NIPSNAP3B: variants seen among roughly 807,000 people sequenced by gnomAD.
NIPSNAP3B encodes protein NipSnap homolog 3B.
NIPSNAP3B carries 30 observed loss-of-function variants against 31.5 expected under a neutral mutation model. The observed-to-expected ratio is 0.95, with a 90% CI of 0.71 to 1.29. The LOEUF is 1.29. Among genes scored for constraint, NIPSNAP3B ranks in the 50% most tolerant of loss-of-function variants. The pLI, the probability that NIPSNAP3B is intolerant of heterozygous loss-of-function variation, is 0.00. For synonymous variants in NIPSNAP3B, 106 were observed against 107.9 expected (o/e 0.98, Z 0.11); for missense variants, 269 against 300.7 (o/e 0.89, Z 0.78).
At chr9:104,785,732 A>C in the NIPSNAP3B span, 4 of 1,524,118 alleles carry the variant, frequency 2.6e-6, no homozygotes, top group Admixed American at 5.1e-5. Context: ...GCCATGAAAA[A>C]GGGCGGCCCC....
chr9:104,786,212 G>T, the NIPSNAP3B span: 1,036,319 of 1,153,774 alleles, frequency 0.9, 466,246 homozygotes, highest in East Asian at 1. Context: ...TTCCCTTTAT[G>T]TTAGAGGCAC....
intron 2 of NIPSNAP3B, 92 bp downstream of exon 2, chr9:104,766,627 A>T (rs1588166303): frequency 8.0e-7 from 1 of 1,242,746 alleles, no homozygotes; most frequent in East Asian, 2.3e-5. Flanking sequence ...ATTACCATAG[A>T]TACATACAGG....
the NIPSNAP3B span, among the ~76,000 whole-genome samples, chr9:104,790,369 T>C: frequency 6.6e-6 from 1 of 152,176 alleles, no homozygotes; most frequent in Non-Finnish European, 1.5e-5. Flanking sequence ...GTCCAACATT[T>C]ATAAGGAATT....
At chr9:104,789,222 G>A in the NIPSNAP3B span, among the ~76,000 whole-genome samples, 1 of 152,198 alleles carries the variant, frequency 6.6e-6, no homozygotes, top group Non-Finnish European at 1.5e-5. Flanking sequence ...TGAGGCACAC[G>A]TGGACACCGT....
the NIPSNAP3B span, among the ~76,000 whole-genome samples, chr9:104,784,886 C>T: frequency 1.3e-5 from 2 of 152,206 alleles, no homozygotes; most frequent in Non-Finnish European, 2.9e-5. Context: ...TCATGATCTG[C>T]CTGCTCCTCA....
chr9:104,778,140 T>C (rs771190978), downstream of NIPSNAP3B, among the ~76,000 whole-genome samples: 2 of 152,226 alleles, frequency 1.3e-5, no homozygotes, highest in African/African-American at 4.8e-5. Flanking sequence ...CTAAATGTTA[T>C]AGGATCTCAG....
At position 104,772,289 on chromosome 9, in the gene NIPSNAP3B, G is replaced by GATTT. The variant is rs1564059040; in HGVS notation, c.581-533_581-532insATTT. Among the ~76,000 whole-genome samples the GATTT allele has an allele frequency of 2.2e-4, 26 of 119,016 alleles. 1 individual carries two copies. Among genetic ancestry groups the GATTT allele is most frequent in the South Asian group, 2.1e-3 (8 of 3,736 alleles). 78.1% of individuals were successfully genotyped at this position (119,016 alleles called of 152,430 possible). ...TTTTGTTTTTATCATGATTGTTTTT[G>GATTT]GTGTCTTTGTCATTCAAAATTAATA... On this transcript the variant is annotated intron_variant, in intron 4 of 5. Coordinates refer to ENST00000374762, the MANE Select transcript of NIPSNAP3B (RefSeq NM_018376.4).
In NIPSNAP3B at chr9:104,775,741, C is replaced by A. The variant is rs1376615386; in HGVS notation, c.*2668C>A. 6.6e-6 allele frequency among the ~76,000 whole-genome samples: 1 copy of A among 152,214 alleles called. No individual in the cohort carries two copies. The highest frequency in any genetic ancestry group is 1.5e-5 in the Non-Finnish European group (1 of 68,032). On this transcript the variant is annotated 3_prime_UTR_variant, in exon 6 of 6. Transcript: ENST00000374762. ...TCTTGTCCAAAACTGAGCTCTTGAT[C>A]TTTAACCAGAAACTTTATCTCAGCT... is the stretch of plus-strand genomic sequence containing the variant.
intron 3 of NIPSNAP3B, 138 bp from the exon 4 acceptor site, chr9:104,770,711 A>G: frequency 1.6e-6 from 1 of 621,992 alleles, no homozygotes. Context: ...CAGAGAATCA[A>G]TAAATGTGAC....
At chr9:104,786,165 C>T in the NIPSNAP3B span, 4 of 780,704 alleles carry the variant, frequency 5.1e-6, no homozygotes, top group Non-Finnish European at 8.6e-6. Flanking sequence ...CTTCAAAGCC[C>T]TCATTCTTTC....
the NIPSNAP3B span, chr9:104,783,971 C>A: frequency 1.4e-5 from 3 of 215,110 alleles, no homozygotes; most frequent in Non-Finnish European, 2.8e-5. Context: ...ATTGTTGCAA[C>A]CCCAATGAGA....
downstream of NIPSNAP3B, among the ~76,000 whole-genome samples, chr9:104,778,202 C>T (rs777187873): frequency 4.6e-5 from 7 of 152,082 alleles, no homozygotes; most frequent in South Asian, 6.2e-4. Context: ...CATTCAGTCC[C>T]GAGGCTTAAA....
downstream of NIPSNAP3B, chr9:104,781,451 G>A (rs1223072648): frequency 6.6e-6 from 1 of 152,506 alleles, no homozygotes; most frequent in Non-Finnish European, 1.5e-5. Context: ...ATATCAAAGT[G>A]GTTCAGTATT....
chr9:104,787,119 G>C, the NIPSNAP3B span: 87 of 659,902 alleles, frequency 1.3e-4, 1 homozygote, highest in South Asian at 9.1e-4. Context: ...CAAAGAATTA[G>C]AGTAACTTTC....
chr9:104,780,566 C>T (rs1473324973), downstream of NIPSNAP3B, among the ~76,000 whole-genome samples: 5 of 152,196 alleles, frequency 3.3e-5, no homozygotes, highest in African/African-American at 1.2e-4. Flanking sequence ...ACTTCGCCTT[C>T]CTGCTCACCA....
chr9:104,785,263 A>C, the NIPSNAP3B span: 2 of 1,210,890 alleles, frequency 1.7e-6, no homozygotes, highest in Non-Finnish European at 1.2e-6. Context: ...AGTAAAAAGC[A>C]TAGCTAGGAA....
chr9:104,771,488 G>A (rs1828217387), intron 4 of NIPSNAP3B, among the ~76,000 whole-genome samples: 2 of 152,080 alleles, frequency 1.3e-5, no homozygotes, highest in Non-Finnish European at 1.5e-5. Context: ...CTTTTCCTCT[G>A]TTGGTTTGCT....
downstream of NIPSNAP3B, chr9:104,781,664 G>A (rs896097579): frequency 6.6e-6 from 1 of 152,560 alleles, no homozygotes; most frequent in African/African-American, 2.4e-5. Context: ...AATGAATTGT[G>A]CTGGGCATTT....
the NIPSNAP3B span, chr9:104,785,514 A>G: frequency 1.2e-6 from 2 of 1,600,196 alleles, no homozygotes; most frequent in Non-Finnish European, 1.7e-6. Flanking sequence ...CTGGTATTGT[A>G]GCATGTTCCG....
Sources: allele counts gnomAD v4.1 joint callset (sites outside exome capture counted in the v4.1 genomes callset), GRCh38; gene constraint gnomAD v4.1.1; transcripts MANE v1.5; gene names NCBI Gene and HGNC (gene_info 2026-07-23, HGNC 2026-07-21).